CD276: variants seen among roughly 807,000 people sequenced by gnomAD.
CD276 encodes CD276 molecule.
A neutral mutation model predicts 50.0 loss-of-function variants in CD276; 34 were observed. That is an observed-to-expected ratio of 0.68 (90% CI 0.52 to 0.91). The LOEUF is 0.91. Among genes scored for constraint, CD276 ranks in the 40% least tolerant of loss-of-function variants. The pLI, the probability that CD276 is intolerant of heterozygous loss-of-function variation, is 0.00. For missense variants in CD276, 634 were observed against 717.5 expected (o/e 0.88, Z 1.33); for synonymous variants, 275 against 313.0 (o/e 0.88, Z 1.28).
chr15:73,700,500 A>C (rs1900336701), intron 2 of CD276, among the ~76,000 whole-genome samples: 1 of 152,152 alleles, frequency 6.6e-6, no homozygotes, highest in Non-Finnish European at 1.5e-5. Flanking sequence ...AGAGCAAGAA[A>C]GGGTTTTGTC....
chr15:73,686,520 C>T (rs1448774642), intron 1 of CD276, among the ~76,000 whole-genome samples: 2 of 152,156 alleles, frequency 1.3e-5, no homozygotes, highest in East Asian at 1.9e-4. Flanking sequence ...AAGTAGTCCT[C>T]TGGGGTGTCT....
chr15:73,710,568 A>G (rs1167955889), intron 8 of CD276, among the ~76,000 whole-genome samples: 2 of 152,206 alleles, frequency 1.3e-5, no homozygotes, highest in Non-Finnish European at 2.9e-5. Context: ...ACCCCCGCAG[A>G]AGGAAGGGCA....
intron 1 of CD276, among the ~76,000 whole-genome samples, chr15:73,688,753 G>T (rs1899864052): frequency 1.3e-5 from 2 of 152,326 alleles, no homozygotes; most frequent in Non-Finnish European, 2.9e-5. Flanking sequence ...TAGCTCTGAG[G>T]ACTGGTGGAG....
intron 2 of CD276, among the ~76,000 whole-genome samples, chr15:73,700,793 C>T (rs1380339759): frequency 1.3e-5 from 2 of 152,054 alleles, no homozygotes; most frequent in African/African-American, 4.8e-5. Flanking sequence ...GATCTTCCCA[C>T]ATTTTGAGTG....
In CD276 at chr15:73,711,068, C is replaced by T. The variant is rs550161497; in HGVS notation, c.1547-67C>T. On this transcript the variant is annotated intron_variant, in intron 8 of 9. Coordinates refer to ENST00000318443, the MANE Select transcript of CD276 (RefSeq NM_001024736.2). Reference sequence around the variant, plus strand: ...CTTCCAGCCCTCACTCCTCCCTCTGCCTGACTCCCTACCCCACCACTTCCC... The same window carrying T: ...CTTCCAGCCCTCACTCCTCCCTCTGTCTGACTCCCTACCCCACCACTTCCC... 1.1e-5 allele frequency: 17 copies of T among 1,558,224 alleles called. No homozygotes were observed. In the South Asian group the frequency reaches 1.6e-4, roughly 14 times the overall value.
chr15:73,706,284 T>C (rs1900649279), intron 6 of CD276, among the ~76,000 whole-genome samples: 1 of 152,162 alleles, frequency 6.6e-6, no homozygotes, highest in Non-Finnish European at 1.5e-5. Context: ...AGTGATTTCA[T>C]TGAGGCCATT....
chr15:73,705,989 C>T (rs1159461058), intron 6 of CD276, among the ~76,000 whole-genome samples: 1 of 152,194 alleles, frequency 6.6e-6, no homozygotes, highest in African/African-American at 2.4e-5. Flanking sequence ...GTGGCTCACA[C>T]CTGTAATCCC....
chr15:73,694,313 C>T (rs888422324), intron 1 of CD276, among the ~76,000 whole-genome samples: 2 of 152,206 alleles, frequency 1.3e-5, no homozygotes, highest in African/African-American at 4.8e-5. Flanking sequence ...GCTCAGGCAT[C>T]ACTCGGTGAC....
chr15:73,708,486 G>A lies in CD276; in HGVS notation c.1504+13G>A, dbSNP rs546317569. The A allele has an allele frequency of 1.2e-6, 2 of 1,610,798 alleles. No homozygotes were observed. Among genetic ancestry groups the A allele is most frequent in the East Asian group, 2.2e-5 (1 of 44,828 alleles). Reference sequence around the variant, plus strand: ...GAGGAGAATGCAGGTGAGTGTGTGTGTATGTGTGTGCGTGCGCATGCACAC... The same window carrying A: ...GAGGAGAATGCAGGTGAGTGTGTGTATATGTGTGTGCGTGCGCATGCACAC... On this transcript the variant is annotated intron_variant, in intron 7 of 9. Transcript: ENST00000318443.
chr15:73,702,768 C>T lies in CD276; in HGVS notation c.419-4C>T, dbSNP rs1262474417. 1 of 1,609,342 alleles carries T rather than the reference C, an allele frequency of 6.2e-7. No individual in the cohort carries two copies. The highest frequency in any genetic ancestry group is 1.7e-5 in the Admixed American group (1 of 59,478). On this transcript the variant is annotated splice_polypyrimidine_tract_variant and splice_region_variant and intron_variant, in intron 3 of 9. Coordinates refer to ENST00000318443, the MANE Select transcript of CD276 (RefSeq NM_001024736.2). Reference sequence around the variant, plus strand: ...CCTTGACCCCTGCCCTCTGTCACCTCCAGCTCCCTACTCGAAGCCCAGCAT... The same window carrying T: ...CCTTGACCCCTGCCCTCTGTCACCTTCAGCTCCCTACTCGAAGCCCAGCAT...
rs199957112 is a variant in CD276 at position 73,713,910 on chromosome 15, A to G, written c.*954A>G. 1.6e-5 allele frequency: 6 copies of G among 385,716 alleles called. No homozygotes were observed. In the East Asian group the frequency reaches 6.7e-4, roughly 43 times the overall value. 23.9% of individuals were successfully genotyped at this position (385,716 alleles called of 1,614,324 possible). On this transcript the variant is annotated 3_prime_UTR_variant, in exon 10 of 10. Transcript: ENST00000318443. ...TGCTGGGGGCCCTGCGTGGGAAGAT[A>G]AAGTTCCTCCCTCAAGGACTCCCCA...
Position 73,702,400 on chromosome 15 carries a change from G to T in CD276, c.225G>T (p.Leu75=), listed in dbSNP as rs367578601. The change falls in exon 3 of 10, where the codon CTG becomes CTT. Residue 75 remains leucine, a synonymous_variant. Transcript: ENST00000318443. ...LIWQLTDTKQ[L]VHSFAEGQDQ... ...GGCAGCTGACAGATACCAAACAGCT[G>T]GTGCACAGCTTTGCTGAGGGCCAGG... 222 of 1,613,666 alleles carry T rather than the reference G, an allele frequency of 1.4e-4. No homozygotes were observed. The highest frequency in any genetic ancestry group is 1.8e-4 in the Non-Finnish European group (210 of 1,180,042).
intron 1 of CD276, among the ~76,000 whole-genome samples, chr15:73,696,768 CT>C (rs1900194916): frequency 6.6e-6 from 1 of 152,166 alleles, no homozygotes; most frequent in Non-Finnish European, 1.5e-5. Flanking sequence ...TGGGGTCTGA[CT>C]TCTATAGTGA....
At chr15:73,708,234 C>A in intron 6 of CD276, 105 bp from the exon 7 acceptor site, 2 of 1,235,646 alleles carry the variant, frequency 1.6e-6, no homozygotes, top group Non-Finnish European at 2.3e-6. Flanking sequence ...AGTGTTAGGG[C>A]CCAGTGAGGG....
At chr15:73,693,422 C>T (rs1423380726) in intron 1 of CD276, among the ~76,000 whole-genome samples, 8 of 151,876 alleles carry the variant, frequency 5.3e-5, no homozygotes, top group Non-Finnish European at 1.5e-5. Flanking sequence ...TATTTTACAA[C>T]AATGAAAAAA....
intron 6 of CD276, among the ~76,000 whole-genome samples, chr15:73,705,287 T>C (rs1327738164): frequency 1.3e-5 from 2 of 152,188 alleles, no homozygotes; most frequent in Admixed American, 1.3e-4. Flanking sequence ...GGTTCTCCTC[T>C]TGTCTTCTGA....
chr15:73,702,240 T>A lies in CD276; in HGVS notation c.80-15T>A. 6.3e-7 allele frequency: 1 copy of A among 1,586,638 alleles called. No individual in the cohort carries two copies. The stretch of plus-strand genomic sequence containing the variant: ...TCAGTCCCCCTTATATGTTCTCCAC[T>A]CCCCCTACCCCCAGGAGCCCTGGAG... On this transcript the variant is annotated splice_polypyrimidine_tract_variant and intron_variant, in intron 2 of 9. Coordinates refer to ENST00000318443, the MANE Select transcript of CD276 (RefSeq NM_001024736.2).
chr15:73,689,520 C>T (rs567824957), intron 1 of CD276, among the ~76,000 whole-genome samples: 1 of 152,108 alleles, frequency 6.6e-6, no homozygotes, highest in Non-Finnish European at 1.5e-5. Flanking sequence ...TCTAGGGACC[C>T]TCCCATCTCT....
intron 9 of CD276, 53 bp downstream of exon 9, chr15:73,711,223 G>GC: frequency 1.9e-6 from 3 of 1,579,868 alleles, no homozygotes; most frequent in Non-Finnish European, 2.6e-6. Context: ...ATCTGTGTGT[G>GC]AGAGGCTGAG....
Sources: gnomAD v4.1 joint callset for allele counts (sites outside exome capture counted in the v4.1 genomes callset) on GRCh38, gnomAD v4.1.1 for gene constraint, MANE v1.5 for transcripts, NCBI Gene and HGNC (gene_info 2026-07-23, HGNC 2026-07-21) for gene names.